The following PHF20L1 variants were observed in gnomAD, a reference collection of about 807,000 sequenced individuals.
The protein encoded by PHF20L1 is PHD finger protein 20-like protein 1.
Under a neutral mutation model 125.5 loss-of-function variants are expected in PHF20L1, and 44 were observed. That is an observed-to-expected ratio of 0.35 (90% CI 0.28 to 0.45). The LOEUF (loss-of-function observed/expected upper bound fraction) is 0.45. Among genes scored for constraint, PHF20L1 ranks in the 20% least tolerant of loss-of-function variants. The probability of loss-of-function intolerance (pLI) is 1.00; values close to 1 mark genes in which losing one functional copy is unlikely to be tolerated. For synonymous variants in PHF20L1, 380 were observed against 403.1 expected, an observed-to-expected ratio of 0.94 and a Z score of 0.69; for missense variants, 1,012 against 1,217.2, an observed-to-expected ratio of 0.83 and a Z score of 2.51.
At chr8:132,837,604 G>A (rs1837508394) in intron 16 of PHF20L1, 108 bp from the exon 17 acceptor site, 1 of 743,672 alleles carries the variant, frequency 1.3e-6, no homozygotes, top group Non-Finnish European at 2.3e-6. Flanking sequence ...AACTGATAGT[G>A]GCAGTAAGAA....
At chr8:132,792,865 C>T (rs1211729577) in intron 2 of PHF20L1, among the ~76,000 whole-genome samples, 3 of 152,008 alleles carry the variant, frequency 2.0e-5, no homozygotes, top group Non-Finnish European at 2.9e-5. Flanking sequence ...GCTTTATCTC[C>T]GTCTCGTTGA....
chr8:132,822,397 ACAT>A (rs996882107), intron 12 of PHF20L1, among the ~76,000 whole-genome samples: 2 of 151,940 alleles, frequency 1.3e-5, no homozygotes, highest in African/African-American at 2.4e-5. Context: ...GAGATTCTAA[ACAT>A]CATTGTTCCA....
intron 2 of PHF20L1, among the ~76,000 whole-genome samples, chr8:132,780,818 A>G (rs1351996862): frequency 6.6e-6 from 1 of 151,906 alleles, no homozygotes; most frequent in Non-Finnish European, 1.5e-5. Context: ...TGAAGAACCC[A>G]AAATGCCTAT....
chr8:132,798,197 C>A (rs553765058), intron 4 of PHF20L1, among the ~76,000 whole-genome samples: 2 of 151,954 alleles, frequency 1.3e-5, no homozygotes, highest in Non-Finnish European at 2.9e-5. Flanking sequence ...AGCATTTAGC[C>A]TTCCTCTAGA....
intron 8 of PHF20L1, among the ~76,000 whole-genome samples, chr8:132,805,914 C>T (rs1833635035): frequency 6.6e-6 from 1 of 151,980 alleles, no homozygotes; most frequent in African/African-American, 2.4e-5. Flanking sequence ...ACCTGTTACA[C>T]CTTTTCCTTG....
Position 132,817,038 on chromosome 8 carries a change from T to A in PHF20L1, c.1334T>A (p.Ile445Asn). 1 of 1,599,160 alleles carries A rather than the reference T, an allele frequency of 6.3e-7. No individual in the cohort carries two copies. Among genetic ancestry groups the A allele is most frequent in the Non-Finnish European group, 8.5e-7 (1 of 1,173,386 alleles). Residue 445 changes from isoleucine (I) to asparagine (N), a missense_variant, in exon 11 of 21, where the codon ATC becomes AAC. By Grantham distance (149) the Ile-to-Asn change is moderately radical (BLOSUM62 -3). This residue lies in a region of PHF20L1 where 320 missense variants were observed against 293.8 expected (regional missense o/e 1.09). Coordinates refer to ENST00000395386, the MANE Select transcript of PHF20L1 (RefSeq NM_016018.5). ...GCCACTGATGGGAAAGTATTCTCCA[T>A]CAGTTCTCAAAATCAGCAAGAATCT... ...SPATDGKVFS[I>N]SSQNQQESSV...
intron 2 of PHF20L1, among the ~76,000 whole-genome samples, chr8:132,792,164 A>G (rs912468280): frequency 6.6e-6 from 1 of 152,240 alleles, no homozygotes; most frequent in African/African-American, 2.4e-5. Flanking sequence ...GGACAAATTA[A>G]GCACATGAAA....
chr8:132,812,671 A>T (rs1473353892), intron 9 of PHF20L1: 1 of 985,126 alleles, frequency 1.0e-6, no homozygotes, highest in African/African-American at 1.7e-5. Flanking sequence ...GTGAACAAAC[A>T]CTTATTTTTA....
chr8:132,799,701 C>A (rs1336960940), intron 6 of PHF20L1: 1 of 151,768 alleles, frequency 6.6e-6, no homozygotes, highest in East Asian at 1.9e-4. Flanking sequence ...ATTGAAATTA[C>A]CTGGTCAGCT....
rs1287770704 is a variant in PHF20L1, at chr8:132,848,349, G to A, written c.*2426G>A. 1 of 152,506 alleles carries A rather than the reference G, an allele frequency of 6.6e-6. No individual in the cohort carries two copies. Among genetic ancestry groups the A allele is most frequent in the Non-Finnish European group, 1.5e-5 (1 of 67,968 alleles). The allele number at this position is 152,506 out of a possible 1,614,324, so 9.4% of individuals were successfully genotyped here. A position where few individuals can be genotyped will look rare whatever the true frequency, so the allele number is the denominator to read the frequency against. Reference sequence around the variant, plus strand: ...AATCGATTGAAGCCTTTCACAAGTAGTGCGCTGAGCTTTTCTTATTGAAGA... The same window carrying A: ...AATCGATTGAAGCCTTTCACAAGTAATGCGCTGAGCTTTTCTTATTGAAGA... On this transcript the variant is annotated 3_prime_UTR_variant, in exon 21 of 21. Transcript: ENST00000395386.
intron 15 of PHF20L1, among the ~76,000 whole-genome samples, chr8:132,833,303 C>T (rs922108037): frequency 6.6e-6 from 1 of 152,080 alleles, no homozygotes; most frequent in Admixed American, 6.6e-5. Context: ...TCTAAGTCCT[C>T]CCTGGCTCGT....
chr8:132,796,643 G>A (rs915086812), intron 4 of PHF20L1, among the ~76,000 whole-genome samples: 4 of 152,018 alleles, frequency 2.6e-5, no homozygotes, highest in Admixed American at 1.3e-4. Flanking sequence ...CAGTTGTTAG[G>A]TGTGCAGGCT....
At chr8:132,822,408 C>T (rs891937228) in intron 12 of PHF20L1, among the ~76,000 whole-genome samples, 16 of 151,898 alleles carry the variant, frequency 1.1e-4, no homozygotes, top group Admixed American at 1.1e-3. Flanking sequence ...CATCATTGTT[C>T]CACCTTTTCC....
At chr8:132,795,109 C>G (rs925045334) in intron 4 of PHF20L1, among the ~76,000 whole-genome samples, 1 of 152,090 alleles carries the variant, frequency 6.6e-6, no homozygotes, top group African/African-American at 2.4e-5. Context: ...TTCTCTGTTT[C>G]TAGTTTGTGG....
At chr8:132,840,280 C>G (rs1431550084) in intron 18 of PHF20L1, among the ~76,000 whole-genome samples, 3 of 152,126 alleles carry the variant, frequency 2.0e-5, no homozygotes, top group Non-Finnish European at 2.9e-5. Flanking sequence ...CTTCCCTTCC[C>G]ATCCTTGTGT....
Position 132,817,481 on chromosome 8 carries a change from A to G in PHF20L1, c.1515A>G (p.Thr505=). The G allele has an allele frequency of 6.2e-7, 1 of 1,612,488 alleles. No individual in the cohort carries two copies. The highest frequency in any genetic ancestry group is 8.5e-7 in the Non-Finnish European group (1 of 1,179,138). ...NECPRAEKED[T]QMLPNPSSKA... is the part of the protein sequence containing the mutation. ...GTCCCAGGGCAGAAAAAGAGGATACACAGATGCTTCCAAATCCTTCTTCCA... is the reference window on the plus strand; with the variant it reads ...GTCCCAGGGCAGAAAAAGAGGATACGCAGATGCTTCCAAATCCTTCTTCCA... Residue 505 remains threonine (T), a synonymous_variant, in exon 12 of 21, where the codon ACA becomes ACG. Transcript: ENST00000395386.
At chr8:132,837,347 G>A (rs1435105384) in intron 16 of PHF20L1, among the ~76,000 whole-genome samples, 1 of 151,984 alleles carries the variant, frequency 6.6e-6, no homozygotes, top group Non-Finnish European at 1.5e-5. Flanking sequence ...AGAGATCATT[G>A]GTATAGACAC....
intron 10 of PHF20L1, 67 bp from the exon 11 acceptor site, chr8:132,816,821 C>G: frequency 2.0e-6 from 2 of 997,098 alleles, no homozygotes; most frequent in South Asian, 1.4e-5. Context: ...TCCCATTTAT[C>G]TCCTTAAATA....
chr8:132,788,523 A>G (rs1008563819), intron 2 of PHF20L1, among the ~76,000 whole-genome samples: 2 of 151,804 alleles, frequency 1.3e-5, no homozygotes, highest in African/African-American at 4.8e-5. Flanking sequence ...TCATTGAGGT[A>G]GTTATCAACT....
Sources: gnomAD v4.1 joint callset for allele counts (sites outside exome capture counted in the v4.1 genomes callset) on GRCh38, gnomAD v4.1.1 for gene constraint, gnomAD v4.1.1 regional missense constraint, MANE v1.5 for transcripts, NCBI Gene and HGNC (gene_info 2026-07-23, HGNC 2026-07-21) for gene names.